The following DPP10 variants were observed in gnomAD, a reference collection of about 807,000 sequenced individuals.
DPP10 encodes inactive dipeptidyl peptidase 10.
DPP10 carries 33 observed loss-of-function variants against 120.9 expected under a neutral mutation model. That is an observed-to-expected ratio of 0.27 (90% CI 0.21 to 0.37). The LOEUF (loss-of-function observed/expected upper bound fraction) is 0.37. Ranked by LOEUF, DPP10 falls within the 10% of genes least tolerant of loss-of-function variation. The pLI, the probability that DPP10 is intolerant of heterozygous loss-of-function variation, is 1.00. For synonymous variants in DPP10, 337 were observed against 326.1 expected, an observed-to-expected ratio of 1.03 and a Z score of -0.36; for missense variants, 816 against 942.8, an observed-to-expected ratio of 0.87 and a Z score of 1.76.
intron 3 of DPP10, among the ~76,000 whole-genome samples, chr2:115,360,851 G>T (rs1322564436): frequency 6.6e-6 from 1 of 152,158 alleles, no homozygotes; most frequent in Non-Finnish European, 1.5e-5. Flanking sequence ...GATTCAGTCG[G>T]TCAGAGGTGG....
chr2:114,672,653 C>A (rs1409531103), intron 1 of DPP10, among the ~76,000 whole-genome samples: 2 of 152,140 alleles, frequency 1.3e-5, no homozygotes, highest in East Asian at 3.9e-4. Flanking sequence ...CCCAGTTGAC[C>A]TTTCTTGTTA....
intron 5 of DPP10, among the ~76,000 whole-genome samples, chr2:115,671,342 A>T (rs969010202): frequency 2.6e-5 from 4 of 151,882 alleles, no homozygotes; most frequent in Non-Finnish European, 5.9e-5. Flanking sequence ...TTTGGTTTGC[A>T]TTGACTTACT....
intron 1 of DPP10, among the ~76,000 whole-genome samples, chr2:114,451,946 G>T (rs144413898): frequency 6.6e-6 from 1 of 152,086 alleles, no homozygotes; most frequent in Non-Finnish European, 1.5e-5. Context: ...AGAACAAAAG[G>T]TTTGTTCATT....
In DPP10 at chr2:114,848,129, G is replaced by A. The variant is rs117854737; in HGVS notation, c.60+405291G>A. 3.0e-3 allele frequency among the ~76,000 whole-genome samples: 460 copies of A among 152,230 alleles called. 11 individuals carry two copies. In the East Asian group the frequency reaches 0.077, roughly 26 times the overall value. On this transcript the variant is annotated intron_variant, in intron 1 of 25. Transcript: ENST00000410059. ...ATTTGGAGCTGTTTAAGGATGGCCC[G>A]AGTTTATAAAACAGAACATAGATGA...
At position 114,993,744 on chromosome 2, in the gene DPP10, C is replaced by T. The variant is rs144377850; in HGVS notation, c.61-315495C>T. Among the ~76,000 whole-genome samples the T allele has an allele frequency of 1.3e-4, 19 of 151,836 alleles. No individual in the cohort carries two copies. In the East Asian group the frequency reaches 1.9e-3, roughly 16 times the overall value. ...CCCTTTATTTTACTCATAGGTTGTA[C>T]GACTATGTGCCCATGTGCATGTATG... On this transcript the variant is annotated intron_variant, in intron 1 of 25. Coordinates refer to ENST00000410059, the MANE Select transcript of DPP10 (RefSeq NM_020868.6).
chr2:115,268,104 T>G (rs917612657), intron 1 of DPP10, among the ~76,000 whole-genome samples: 2 of 152,232 alleles, frequency 1.3e-5, no homozygotes, highest in African/African-American at 4.8e-5. Context: ...TATGCTTTGA[T>G]GCTGGGGAGG....
intron 21 of DPP10, 46 bp downstream of exon 21, chr2:115,815,775 T>C: frequency 6.5e-7 from 1 of 1,541,878 alleles, no homozygotes; most frequent in Non-Finnish European, 8.9e-7. Context: ...CGTATCTATG[T>C]TATGTAATAT....
intron 13 of DPP10, among the ~76,000 whole-genome samples, chr2:115,769,823 G>C (rs1344342036): frequency 6.6e-6 from 1 of 151,920 alleles, no homozygotes; most frequent in Non-Finnish European, 1.5e-5. Flanking sequence ...CTAATTAAGA[G>C]TCAACTTGGT....
At position 114,931,377 on chromosome 2, in the gene DPP10, T is replaced by C. The variant is rs567748682; in HGVS notation, c.61-377862T>C. On this transcript the variant is annotated intron_variant, in intron 1 of 25. Transcript: ENST00000410059. Reference sequence around the variant, plus strand: ...GGCAGAAAGTGAAGGGAAGCCAACATGGGCAGAGATCACACACTGAGAGAG... The same window carrying C: ...GGCAGAAAGTGAAGGGAAGCCAACACGGGCAGAGATCACACACTGAGAGAG... Among the ~76,000 whole-genome samples the C allele has an allele frequency of 1.3e-4, 20 of 152,248 alleles. No homozygotes were observed. In the South Asian group the frequency reaches 3.9e-3, roughly 30 times the overall value.
At chr2:115,353,979 A>G (rs1472815315) in intron 3 of DPP10, among the ~76,000 whole-genome samples, 1 of 152,034 alleles carries the variant, frequency 6.6e-6, no homozygotes, top group Admixed American at 6.6e-5. Context: ...ATAAGGAAAG[A>G]TTTTCTTTGT....
At chr2:115,055,569 A>T (rs941161614) in intron 1 of DPP10, among the ~76,000 whole-genome samples, 6 of 152,226 alleles carry the variant, frequency 3.9e-5, no homozygotes, top group Non-Finnish European at 5.9e-5. Context: ...ATTGAAATAT[A>T]AAATATTTTA....
At chr2:114,477,882 T>C (rs188112082) in intron 1 of DPP10, among the ~76,000 whole-genome samples, 3 of 149,094 alleles carry the variant, frequency 2.0e-5, no homozygotes, top group African/African-American at 7.4e-5. Context: ...CATATATGTG[T>C]ATATATGTAC....
intron 1 of DPP10, among the ~76,000 whole-genome samples, chr2:114,519,335 C>A (rs1305977003): frequency 6.6e-6 from 1 of 152,166 alleles, no homozygotes; most frequent in Non-Finnish European, 1.5e-5. Context: ...GAACTGTTTA[C>A]GAGACCTCAC....
At chr2:114,699,539 C>T (rs1700266951) in intron 1 of DPP10, among the ~76,000 whole-genome samples, 1 of 152,092 alleles carries the variant, frequency 6.6e-6, no homozygotes, top group African/African-American at 2.4e-5. Flanking sequence ...CTTTGAGGCT[C>T]TTGGCCCATA....
At chr2:115,371,996 G>A (rs115080550) in intron 3 of DPP10, among the ~76,000 whole-genome samples, 195 of 152,090 alleles carry the variant, frequency 1.3e-3, no homozygotes, top group African/African-American at 4.5e-3. Context: ...TTCTAACAGG[G>A]ACTTTATATG....
chr2:114,756,967 G>A (rs901532489), intron 1 of DPP10, among the ~76,000 whole-genome samples: 38 of 151,982 alleles, frequency 2.5e-4, no homozygotes, highest in African/African-American at 9.2e-4. Flanking sequence ...AGTCCTCAAG[G>A]GTTTGATTGC....
chr2:115,682,497 G>C (rs1368104374), intron 5 of DPP10, among the ~76,000 whole-genome samples: 2 of 151,850 alleles, frequency 1.3e-5, no homozygotes, highest in Non-Finnish European at 2.9e-5. Flanking sequence ...GCAATTCTAA[G>C]AGCAATTTAA....
chr2:114,707,575 A>ATCACTTGGG (rs1339290790), intron 1 of DPP10, among the ~76,000 whole-genome samples: 4 of 152,196 alleles, frequency 2.6e-5, no homozygotes, highest in Middle Eastern at 3.2e-3. Context: ...ATAACCGTGC[A>ATCACTTGGG]TCACTTGGGG....
intron 3 of DPP10, among the ~76,000 whole-genome samples, chr2:115,415,987 T>C (rs921620943): frequency 6.6e-6 from 1 of 151,516 alleles, no homozygotes; most frequent in Non-Finnish European, 1.5e-5. Flanking sequence ...ATTTCTTTTG[T>C]AGAACTCCAA....
Sources: gnomAD v4.1 joint callset for allele counts (sites outside exome capture counted in the v4.1 genomes callset) on GRCh38, gnomAD v4.1.1 for gene constraint, MANE v1.5 for transcripts, NCBI Gene and HGNC (gene_info 2026-07-23, HGNC 2026-07-21) for gene names.